Variants in SPECC1L observed in about 807,000 individuals in gnomAD.
The protein encoded by SPECC1L is cytospin-A.
SPECC1L carries 40 observed loss-of-function variants against 116.8 expected under a neutral mutation model. The observed-to-expected ratio is 0.34, with a 90% CI of 0.27 to 0.45. The LOEUF is 0.45. Ranked by LOEUF, SPECC1L falls within the 20% of genes least tolerant of loss-of-function variation. The probability of loss-of-function intolerance (pLI) is 1.00; values close to 1 mark genes in which losing one functional copy is unlikely to be tolerated. For synonymous variants in SPECC1L, 504 were observed against 500.6 expected (o/e 1.01, Z -0.09); for missense variants, 1,110 against 1,373.6 (o/e 0.81, Z 3.03).
intron 14 of SPECC1L, among the ~76,000 whole-genome samples, chr22:24,405,035 A>G (rs1206198215): frequency 1.3e-5 from 2 of 152,208 alleles, no homozygotes; most frequent in East Asian, 3.9e-4. Flanking sequence ...TTCTGTTTGT[A>G]TGCCAATCCT....
At position 24,338,650 on chromosome 22, in the gene SPECC1L, A is replaced by G. The variant is rs146926199; in HGVS notation, c.2652+173A>G. Reference sequence around the variant, plus strand: ...AATATCTTTAATAGAGATAAATTATATAAGTGTAAATTGTGTTATTCTGAT... The same window carrying G: ...AATATCTTTAATAGAGATAAATTATGTAAGTGTAAATTGTGTTATTCTGAT... On this transcript the variant is annotated intron_variant, in intron 10 of 16. Coordinates refer to ENST00000314328, the MANE Select transcript of SPECC1L (RefSeq NM_015330.6). 1.1e-3 allele frequency among the ~76,000 whole-genome samples: 167 copies of G among 152,340 alleles called. 1 individual carries two copies. Among genetic ancestry groups the G allele is most frequent in the African/African-American group, 3.5e-3 (146 of 41,578 alleles).
At chr22:24,388,080 T>TA (rs1556304712) in intron 14 of SPECC1L, among the ~76,000 whole-genome samples, 2 of 151,690 alleles carry the variant, frequency 1.3e-5, no homozygotes, top group Admixed American at 6.6e-5. Context: ...AAATTCTTTT[T>TA]TTATTATTAT....
chr22:24,412,846 C>A (rs1031762207), intron 16 of SPECC1L, 139 bp downstream of exon 16: 2 of 867,994 alleles, frequency 2.3e-6, no homozygotes, highest in Non-Finnish European at 3.8e-6. Flanking sequence ...GCTCTGGGGC[C>A]AAGGGAGGGT....
At chr22:24,348,584 C>G (rs2041352558) in intron 11 of SPECC1L, among the ~76,000 whole-genome samples, 1 of 152,232 alleles carries the variant, frequency 6.6e-6, no homozygotes, top group Non-Finnish European at 1.5e-5. Context: ...TTTCTCCCCT[C>G]AGAAGGTTTT....
chr22:24,363,319 G>T lies in SPECC1L; in HGVS notation c.2802G>T (p.Ala934=). The T allele has an allele frequency of 1.2e-6, 2 of 1,614,138 alleles. No homozygotes were observed. The highest frequency in any genetic ancestry group is 2.2e-5 in the South Asian group (2 of 91,082). The change falls in exon 12 of 17, where the codon GCG becomes GCT. Residue 934 remains alanine, a synonymous_variant. Transcript: ENST00000314328. Reference sequence around the variant, plus strand: ...CTGCTTCCCTGCCAAGAGTGCCTGCGATGGAAAGTGCCAAGACCCTCTCAG... The same window carrying T: ...CTGCTTCCCTGCCAAGAGTGCCTGCTATGGAAAGTGCCAAGACCCTCTCAG... ...SRPASLPRVP[A]MESAKTLSVS... is the part of the protein sequence containing the mutation.
intron 14 of SPECC1L, among the ~76,000 whole-genome samples, chr22:24,377,286 G>A (rs1341834454): frequency 6.6e-6 from 1 of 152,048 alleles, no homozygotes; most frequent in Non-Finnish European, 1.5e-5. Flanking sequence ...ACTTTTGGGG[G>A]GGTTATTATA....
At chr22:24,299,090 G>T (rs892484215) in intron 2 of SPECC1L, among the ~76,000 whole-genome samples, 2 of 152,034 alleles carry the variant, frequency 1.3e-5, no homozygotes, top group African/African-American at 4.8e-5. Flanking sequence ...TAGAGATGTG[G>T]ATTTCTGACC....
At chr22:24,305,169 T>A (rs2049466753) in intron 3 of SPECC1L, among the ~76,000 whole-genome samples, 1 of 152,230 alleles carries the variant, frequency 6.6e-6, no homozygotes, top group Non-Finnish European at 1.5e-5. Context: ...TTGTTTTGAC[T>A]TTTTTTGTTG....
intron 6 of SPECC1L, among the ~76,000 whole-genome samples, chr22:24,327,284 A>AC (rs1251678493): frequency 2.1e-5 from 3 of 144,284 alleles, no homozygotes; most frequent in African/African-American, 8.5e-5. Context: ...TCTCAAAAAA[A>AC]AAAAAAAAAA....
In SPECC1L at chr22:24,346,380, T is replaced by C. The variant is rs545391161; in HGVS notation, c.2653-706T>C. Among the ~76,000 whole-genome samples the C allele has an allele frequency of 3.8e-4, 58 of 152,346 alleles. 3 individuals are homozygous for C. In the South Asian group the frequency reaches 0.012, roughly 30 times the overall value. ...CAGTGACAAGCCATTGCTGTAGTGC[T>C]GCACTGAGATGACAGGCTGTACTGG... On this transcript the variant is annotated intron_variant, in intron 10 of 16. Transcript: ENST00000314328.
chr22:24,271,104 G>T (rs1317243004), intron 1 of SPECC1L, 121 bp downstream of exon 1: 3 of 152,414 alleles, frequency 2.0e-5, no homozygotes, highest in Admixed American at 6.5e-5. Flanking sequence ...CGCCTGCGCC[G>T]TCTCTGCTCC....
intron 2 of SPECC1L, among the ~76,000 whole-genome samples, chr22:24,288,917 C>T (rs1278720349): frequency 6.6e-6 from 1 of 152,112 alleles, no homozygotes; most frequent in Non-Finnish European, 1.5e-5. Context: ...AGCCATTGCT[C>T]CCAGCCAATT....
chr22:24,324,018 C>T (rs1417159568), intron 5 of SPECC1L, among the ~76,000 whole-genome samples: 1 of 152,184 alleles, frequency 6.6e-6, no homozygotes, highest in Non-Finnish European at 1.5e-5. Context: ...GTCAGTGTTA[C>T]AGCAACAGTT....
intron 7 of SPECC1L, 33 bp downstream of exon 7, chr22:24,328,952 A>G (rs201804995): frequency 1.3e-6 from 2 of 1,545,866 alleles, no homozygotes; most frequent in Non-Finnish European, 1.8e-6. Context: ...GTCTTGTTAG[A>G]AAACGGTTTT....
chr22:24,347,160 G>A lies in SPECC1L; in HGVS notation c.2727G>A (p.Gly909=), dbSNP rs1228370438. 7 of 1,613,304 alleles carry A rather than the reference G, an allele frequency of 4.3e-6. No homozygotes were observed. Among genetic ancestry groups the A allele is most frequent in the South Asian group, 1.1e-5 (1 of 91,056 alleles). ...TALSDKRPNY[G]EIPVQEHLLR... ...TGTCAGATAAGAGACCAAACTATGG[G>A]GAAATCCCTGTTCAAGGTACGTGTA... The change falls in exon 11 of 17, where the codon GGG becomes GGA. Residue 909 remains glycine (G), a synonymous_variant. Transcript: ENST00000314328.
chr22:24,364,205 A>C (rs62233966), intron 12 of SPECC1L, among the ~76,000 whole-genome samples: 1 of 152,020 alleles, frequency 6.6e-6, no homozygotes, highest in Admixed American at 6.6e-5. Context: ...TAAAGTGCCT[A>C]CTCCCACTGA....
intron 6 of SPECC1L, among the ~76,000 whole-genome samples, chr22:24,327,565 A>C (rs1038725696): frequency 6.6e-6 from 1 of 152,030 alleles, no homozygotes; most frequent in African/African-American, 2.4e-5. Context: ...AATGGGAGAG[A>C]ATGTTATTTA....
intron 9 of SPECC1L, among the ~76,000 whole-genome samples, chr22:24,335,519 G>A (rs919176587): frequency 7.9e-5 from 12 of 152,234 alleles, no homozygotes; most frequent in African/African-American, 2.9e-4. Flanking sequence ...AACTTCCTCA[G>A]CTCTGGGAAA....
In SPECC1L at chr22:24,414,677, G is replaced by A; in HGVS notation, c.*54G>A. ...GGGGGTACCCCTCCACAGCGACCGA[G>A]CGACACCGACGCCATTAGCTACGCA... On this transcript the variant is annotated 3_prime_UTR_variant, in exon 17 of 17. Transcript: ENST00000314328. 1 of 1,518,014 alleles carries A rather than the reference G, an allele frequency of 6.6e-7. No individual in the cohort carries two copies. Among genetic ancestry groups the A allele is most frequent in the Non-Finnish European group, 9.1e-7 (1 of 1,095,928 alleles). The allele number at this position is 1,518,014 out of a possible 1,614,324, so 94.0% of individuals were successfully genotyped here. A position where few individuals can be genotyped will look rare whatever the true frequency, so the allele number is the denominator to read the frequency against.
Sources: gnomAD v4.1 joint callset for allele counts (sites outside exome capture counted in the v4.1 genomes callset) on GRCh38, gnomAD v4.1.1 for gene constraint, MANE v1.5 for transcripts, NCBI Gene and HGNC (gene_info 2026-07-23, HGNC 2026-07-21) for gene names.